BMAL1: variants seen among roughly 807,000 people sequenced by gnomAD.
BMAL1 encodes basic helix-loop-helix ARNT-like protein 1.
the BMAL1 span, among the ~76,000 whole-genome samples, chr11:13,342,683 A>C: frequency 6.6e-6 from 1 of 152,222 alleles, no homozygotes; most frequent in Non-Finnish European, 1.5e-5. Context: ...CTATGGGATT[A>C]GTGTTCCATG....
At chr11:13,321,949 A>G in the BMAL1 span, among the ~76,000 whole-genome samples, 1 of 152,264 alleles carries the variant, frequency 6.6e-6, no homozygotes, top group East Asian at 1.9e-4. Flanking sequence ...CAGAACTACT[A>G]GATTGTGTCC....
chr11:13,349,022 T>G, the BMAL1 span, among the ~76,000 whole-genome samples: 1 of 152,198 alleles, frequency 6.6e-6, no homozygotes, highest in Non-Finnish European at 1.5e-5. Context: ...GGTGACCCTT[T>G]TCTTCCTTTC....
chr11:13,381,080 C>A, the BMAL1 span: 1 of 1,410,728 alleles, frequency 7.1e-7, no homozygotes, highest in African/African-American at 1.4e-5. Context: ...ATCTTCATCC[C>A]CTTTCTCACC....
chr11:13,374,164 A>G, the BMAL1 span: 1 of 1,613,940 alleles, frequency 6.2e-7, no homozygotes, highest in African/African-American at 1.3e-5. Context: ...ATTTTCACCA[A>G]GATGACATAG....
chr11:13,292,185 T>C, the BMAL1 span, among the ~76,000 whole-genome samples: 1 of 152,282 alleles, frequency 6.6e-6, no homozygotes, highest in East Asian at 1.9e-4. Flanking sequence ...ATCCTGGTAA[T>C]CTCATATTTT....
the BMAL1 span, among the ~76,000 whole-genome samples, chr11:13,384,370 A>G: frequency 3.3e-5 from 5 of 152,202 alleles, no homozygotes; most frequent in African/African-American, 4.8e-5. Flanking sequence ...CAGTGAACCA[A>G]TATTTTGTAA....
At chr11:13,278,213 C>T in the BMAL1 span, among the ~76,000 whole-genome samples, 1 of 152,216 alleles carries the variant, frequency 6.6e-6, no homozygotes, top group Non-Finnish European at 1.5e-5. Context: ...CTGCAGGAGC[C>T]CTTAAAGGGG....
At chr11:13,286,693 A>G in the BMAL1 span, among the ~76,000 whole-genome samples, 7 of 152,180 alleles carry the variant, frequency 4.6e-5, no homozygotes, top group Non-Finnish European at 5.9e-5. Context: ...TTGATCTGCT[A>G]TCTTTCTTGA....
At chr11:13,364,347 C>G in the BMAL1 span, among the ~76,000 whole-genome samples, 2 of 152,242 alleles carry the variant, frequency 1.3e-5, no homozygotes, top group Non-Finnish European at 2.9e-5. Context: ...CCCTCTCACT[C>G]ATTTCTTCTG....
the BMAL1 span, among the ~76,000 whole-genome samples, chr11:13,306,978 C>T: frequency 6.6e-6 from 1 of 152,226 alleles, no homozygotes; most frequent in Non-Finnish European, 1.5e-5. Context: ...CCTTTCTCTA[C>T]ATCTAGGTAT....
chr11:13,361,820 G>A, the BMAL1 span, among the ~76,000 whole-genome samples: 1 of 152,098 alleles, frequency 6.6e-6, no homozygotes, highest in Non-Finnish European at 1.5e-5. Flanking sequence ...CCTTAATGTA[G>A]CCAGGTACCT....
the BMAL1 span, among the ~76,000 whole-genome samples, chr11:13,342,538 T>G: frequency 6.6e-6 from 1 of 152,140 alleles, no homozygotes; most frequent in Non-Finnish European, 1.5e-5. Context: ...TCTGCTGCCC[T>G]TAGACTTTCA....
the BMAL1 span, chr11:13,365,432 T>C: frequency 1.3e-5 from 18 of 1,408,510 alleles, no homozygotes; most frequent in Non-Finnish European, 1.8e-5. Context: ...CCTCTATTTG[T>C]TATCAGGGTG....
chr11:13,356,981 A>G, the BMAL1 span: 1 of 1,608,220 alleles, frequency 6.2e-7, no homozygotes, highest in Non-Finnish European at 8.5e-7. Flanking sequence ...AGGCAGAAGA[A>G]AACAGCAATG....
the BMAL1 span, chr11:13,358,389 C>A: frequency 6.9e-7 from 1 of 1,459,692 alleles, no homozygotes. Flanking sequence ...TTTCTTGATG[C>A]TTGGTTACAT....
the BMAL1 span, chr11:13,369,594 C>A: frequency 1.2e-6 from 2 of 1,613,204 alleles, no homozygotes; most frequent in South Asian, 1.1e-5. Context: ...CTCAGTTTAT[C>A]ACATTTTGTG....
the BMAL1 span, among the ~76,000 whole-genome samples, chr11:13,307,068 A>G: frequency 6.6e-6 from 1 of 152,196 alleles, no homozygotes; most frequent in African/African-American, 2.4e-5. Context: ...AAGGGAGTGG[A>G]GAGTTCTAAT....
chr11:13,369,956 C>T, the BMAL1 span, among the ~76,000 whole-genome samples: 1 of 152,134 alleles, frequency 6.6e-6, no homozygotes, highest in African/African-American at 2.4e-5. Flanking sequence ...GCTGAAAAGC[C>T]TGATGGCAGA....
the BMAL1 span, among the ~76,000 whole-genome samples, chr11:13,377,460 C>T: frequency 6.6e-6 from 1 of 152,336 alleles, no homozygotes; most frequent in African/African-American, 2.4e-5. Flanking sequence ...TAAACTTCGT[C>T]ACCACTATTG....
Sources: gnomAD v4.1 joint callset for allele counts (sites outside exome capture counted in the v4.1 genomes callset) on GRCh38, gnomAD v4.1.1 for gene constraint, MANE v1.5 for transcripts, NCBI Gene and HGNC (gene_info 2026-07-23, HGNC 2026-07-21) for gene names.